AGAP9: variants seen among roughly 807,000 people sequenced by gnomAD.
The protein encoded by AGAP9 is ArfGAP with GTPase domain, ankyrin repeat and PH domain 9.
AGAP9 carries 23 observed loss-of-function variants against 55.6 expected under a neutral mutation model. The ratio of observed to expected loss-of-function variants is 0.41; its 90% CI spans 0.30 to 0.59. The LOEUF (loss-of-function observed/expected upper bound fraction) is 0.59. Ranked by LOEUF, AGAP9 falls within the 20% of genes least tolerant of loss-of-function variation. The pLI, the probability that AGAP9 is intolerant of heterozygous loss-of-function variation, is 0.25. For synonymous variants in AGAP9, 120 were observed against 305.0 expected, an observed-to-expected ratio of 0.39 and a Z score of 6.32; for missense variants, 309 against 808.1, an observed-to-expected ratio of 0.38 and a Z score of 7.49.
rs1426582337 is a variant in AGAP9, at chr10:47,502,442, T to C, written c.1687A>G (p.Lys563Glu). The C allele has an allele frequency of 9.9e-5, 159 of 1,612,062 alleles. 4 individuals are homozygous for C. The African/African-American group carries it at 1.8e-3, about 18-fold the overall frequency. ...TATTTGGAACGGATCCACCATTCCT[T>C]CTCTTCCCTCGTGGACTTTATTGAG... ...KPSIKSTREE[K>E]EWWIRSKYEE... Residue 563 changes from lysine (K) to glutamate (E), a missense_variant, in exon 8 of 8, where the codon AAG becomes GAG. Transcript: ENST00000452145.
At chr10:47,503,875 G>A (rs1359975077) in intron 7 of AGAP9, among the ~76,000 whole-genome samples, 4 of 97,384 alleles carry the variant, frequency 4.1e-5, no homozygotes, top group Non-Finnish European at 7.5e-5. Flanking sequence ...GGGAGGCAGA[G>A]CCTGCAGTGA....
intron 4 of AGAP9, among the ~76,000 whole-genome samples, chr10:47,513,984 C>G (rs2132489482): frequency 7.2e-6 from 1 of 139,074 alleles, no homozygotes; most frequent in South Asian, 2.3e-4. Flanking sequence ...TGGGCAAAGA[C>G]TTCATGACCA....
intron 6 of AGAP9, among the ~76,000 whole-genome samples, 191 bp from the exon 7 acceptor site, chr10:47,504,431 C>A (rs1167305702): frequency 8.2e-6 from 1 of 122,624 alleles, no homozygotes; most frequent in Non-Finnish European, 1.7e-5. Context: ...TGGTCTGTAC[C>A]GTGAAGCCTT....
chr10:47,521,842 G>A (rs1247070853), intron 2 of AGAP9, among the ~76,000 whole-genome samples: 5 of 150,634 alleles, frequency 3.3e-5, no homozygotes, highest in Non-Finnish European at 5.9e-5. Flanking sequence ...GTGCATTGGC[G>A]TGATCTCTGC....
Position 47,502,122 on chromosome 10 carries a change from A to T in AGAP9, c.*30T>A. ...CCGTACTGCAGAAGCACGTTGATGCACTCCTGGCTGGAGGCCTGCCGGGCG... is the reference window on the plus strand; with the variant it reads ...CCGTACTGCAGAAGCACGTTGATGCTCTCCTGGCTGGAGGCCTGCCGGGCG... On this transcript the variant is annotated 3_prime_UTR_variant, in exon 8 of 8. Transcript: ENST00000452145. 1 of 1,573,788 alleles carries T rather than the reference A, an allele frequency of 6.4e-7. No individual in the cohort carries two copies. Among genetic ancestry groups the T allele is most frequent in the Non-Finnish European group, 8.6e-7 (1 of 1,157,450 alleles).
chr10:47,502,441 T>C lies in AGAP9; in HGVS notation c.1688A>G (p.Lys563Arg). 1.9e-6 allele frequency: 3 copies of C among 1,612,134 alleles called. No homozygotes were observed. The highest frequency in any genetic ancestry group is 2.5e-6 in the Non-Finnish European group (3 of 1,179,904). The change falls in exon 8 of 8, where the codon AAG (lysine) becomes AGG (arginine). Residue 563 changes from lysine (K) to arginine (R), a missense_variant. Lys to Arg is a conservative substitution (Grantham distance 26). Coordinates refer to ENST00000452145, the MANE Select transcript of AGAP9 (RefSeq NM_001190810.1). ...KPSIKSTREE[K>R]EWWIRSKYEE... is the part of the protein sequence containing the mutation. ...ATATTTGGAACGGATCCACCATTCC[T>C]TCTCTTCCCTCGTGGACTTTATTGA...
intron 4 of AGAP9, among the ~76,000 whole-genome samples, chr10:47,510,757 G>A (rs1343157051): frequency 8.9e-6 from 1 of 112,202 alleles, no homozygotes; most frequent in Non-Finnish European, 1.7e-5. Flanking sequence ...GCGAACCCAG[G>A]AGGCAGAGCT....
At chr10:47,519,523 C>G (rs1474146346) in intron 3 of AGAP9, among the ~76,000 whole-genome samples, 4 of 108,606 alleles carry the variant, frequency 3.7e-5, no homozygotes, top group Non-Finnish European at 7.3e-5. Context: ...TCTCTTTCAC[C>G]GTGTGGAACC....
In AGAP9 at chr10:47,520,619, T is replaced by C; in HGVS notation, c.293-52A>G. On this transcript the variant is annotated intron_variant, in intron 2 of 7. Transcript: ENST00000452145. Reference sequence around the variant, plus strand: ...AAGAGATGCAATCATTGATAAAAATTTATCAACTCGTTTATTCGGCTGCTG... The same window carrying C: ...AAGAGATGCAATCATTGATAAAAATCTATCAACTCGTTTATTCGGCTGCTG... 2 of 1,306,566 alleles carry C rather than the reference T, an allele frequency of 1.5e-6. 1 individual carries two copies. Among genetic ancestry groups the C allele is most frequent in the Non-Finnish European group, 2.1e-6 (2 of 971,458 alleles). 80.9% of individuals were successfully genotyped at this position (1,306,566 alleles called of 1,614,324 possible). A position where few individuals can be genotyped will look rare whatever the true frequency, so the allele number is the denominator to read the frequency against.
intron 3 of AGAP9, among the ~76,000 whole-genome samples, chr10:47,518,724 T>C (rs1840760709): frequency 7.6e-6 from 1 of 132,042 alleles, no homozygotes; most frequent in East Asian, 3.2e-4. Context: ...TAAATTTTGA[T>C]GTTAAAATGA....
At position 47,521,392 on chromosome 10, in the gene AGAP9, T is replaced by C. The variant is rs1171629982; in HGVS notation, c.293-825A>G. Among the ~76,000 whole-genome samples, 19 of 140,366 alleles carry C rather than the reference T, an allele frequency of 1.4e-4. 3 individuals are homozygous for C. Among genetic ancestry groups the C allele is most frequent in the African/African-American group, 1.9e-4 (7 of 37,424 alleles). The allele number at this position is 140,366 out of a possible 152,430, so 92.1% of individuals were successfully genotyped here. A position where few individuals can be genotyped will look rare whatever the true frequency, so the allele number is the denominator to read the frequency against. On this transcript the variant is annotated intron_variant, in intron 2 of 7. Transcript: ENST00000452145. ...AATGCATTTGTTTATTCTAAAGCAATCCTTAAATATCTTGAAATGTGAAGA... is the reference window on the plus strand; with the variant it reads ...AATGCATTTGTTTATTCTAAAGCAACCCTTAAATATCTTGAAATGTGAAGA...
Position 47,502,745 on chromosome 10 carries a change from T to C in AGAP9, c.1384A>G (p.Ser462Gly), listed in dbSNP as rs1328117004. ...ATCGACTGCAGGGCCATGGCCTCAC[T>C]CTGGCTGGTCAGCTGGGACTTGCTT... ...SKSKSQLTSQ[S>G]EAMALQSIQN... The change falls in exon 8 of 8, where the codon AGT becomes GGT. Residue 462 changes from serine to glycine, a missense_variant. Physicochemically the swap from Ser to Gly is moderately conservative, Grantham distance 56. Transcript: ENST00000452145. 2 of 1,591,770 alleles carry C rather than the reference T, an allele frequency of 1.3e-6. No homozygotes were observed. The highest frequency in any genetic ancestry group is 3.4e-5 in the Admixed American group (2 of 58,774).
chr10:47,503,775 G>GA (rs1467585884), intron 7 of AGAP9, among the ~76,000 whole-genome samples: 2 of 123,010 alleles, frequency 1.6e-5, no homozygotes, highest in Admixed American at 8.7e-5. Flanking sequence ...AAAAAAAAAA[G>GA]AAAAAAAAAT....
At chr10:47,510,629 G>C (rs1434491913) in intron 4 of AGAP9, among the ~76,000 whole-genome samples, 1 of 119,824 alleles carries the variant, frequency 8.3e-6, no homozygotes, top group Admixed American at 8.7e-5. Flanking sequence ...AAGAGATCGA[G>C]ACCATCCTGG....
intron 3 of AGAP9, among the ~76,000 whole-genome samples, chr10:47,519,457 G>A (rs1840779849): frequency 3.4e-5 from 4 of 116,988 alleles, no homozygotes; most frequent in African/African-American, 1.0e-4. Flanking sequence ...AACAGAGTGA[G>A]ACTCCATTTC....
intron 4 of AGAP9, among the ~76,000 whole-genome samples, chr10:47,513,191 C>A (rs1840663403): frequency 6.7e-6 from 1 of 149,588 alleles, no homozygotes; most frequent in South Asian, 2.1e-4. Context: ...AGCGCCACCA[C>A]GCCCGGCTAA....
Position 47,506,489 on chromosome 10 carries a change from C to A in AGAP9, c.533+1059G>T, listed in dbSNP as rs1217981405. On this transcript the variant is annotated intron_variant, in intron 6 of 7. Coordinates refer to ENST00000452145, the MANE Select transcript of AGAP9 (RefSeq NM_001190810.1). Reference sequence around the variant, plus strand: ...GGGACTACAGGCATGCACCACCACGCCCAGCCATTTTTTGTACTTTCAGTA... The same window carrying A: ...GGGACTACAGGCATGCACCACCACGACCAGCCATTTTTTGTACTTTCAGTA... 1.4e-5 allele frequency among the ~76,000 whole-genome samples: 2 copies of A among 139,548 alleles called. 1 individual carries two copies. Among genetic ancestry groups the A allele is most frequent in the African/African-American group, 5.4e-5 (2 of 37,374 alleles). The allele number at this position is 139,548 out of a possible 152,430, so 91.5% of individuals were successfully genotyped here. A position where few individuals can be genotyped will look rare whatever the true frequency, so the allele number is the denominator to read the frequency against.
chr10:47,514,077 G>C (rs1840682701), intron 4 of AGAP9, among the ~76,000 whole-genome samples: 1 of 141,882 alleles, frequency 7.0e-6, no homozygotes, highest in Non-Finnish European at 1.5e-5. Context: ...ACAATCAACA[G>C]AGTATACAGA....
intron 4 of AGAP9, among the ~76,000 whole-genome samples, chr10:47,513,506 C>G (rs1840672085): frequency 7.0e-6 from 1 of 142,034 alleles, no homozygotes; most frequent in African/African-American, 2.6e-5. Flanking sequence ...CAAAATACCA[C>G]CATCCTTCTT....
Sources: gnomAD v4.1 joint callset for allele counts (sites outside exome capture counted in the v4.1 genomes callset) on GRCh38, gnomAD v4.1.1 for gene constraint, MANE v1.5 for transcripts, NCBI Gene and HGNC (gene_info 2026-07-23, HGNC 2026-07-21) for gene names.